The following HAPSTR1 variants were observed in gnomAD, a reference collection of about 807,000 sequenced individuals.
The protein encoded by HAPSTR1 is HUWE1 associated protein modifying stress responses, also known as HUWE1-associated protein modifying stress responses 1.
chr16:9,116,959 TC>T, the HAPSTR1 span: 1 of 1,605,230 alleles, frequency 6.2e-7, no homozygotes, highest in East Asian at 2.2e-5. Context: ...AGCCACTTGA[TC>T]CTCAACATAT....
chr16:9,115,293 G>A, the HAPSTR1 span, among the ~76,000 whole-genome samples: 10 of 152,284 alleles, frequency 6.6e-5, no homozygotes, highest in East Asian at 1.7e-3. Context: ...TAGAAAGAAT[G>A]GGCCCCTGTC....
the HAPSTR1 span, chr16:9,109,535 A>T: frequency 6.6e-6 from 1 of 152,158 alleles, no homozygotes; most frequent in East Asian, 1.9e-4. Context: ...CAGGGCTTGG[A>T]GTTAACCCCA....
the HAPSTR1 span, among the ~76,000 whole-genome samples, chr16:9,101,742 ATTT>A: frequency 7.1e-6 from 1 of 140,262 alleles, no homozygotes; most frequent in African/African-American, 2.6e-5. Flanking sequence ...TGTCTGGATG[ATTT>A]TTTTTTTTTT....
the HAPSTR1 span, chr16:9,091,785 G>C: frequency 2.5e-6 from 1 of 394,612 alleles, no homozygotes; most frequent in Non-Finnish European, 4.5e-6. Flanking sequence ...AGGGGCGGCA[G>C]CGGTTATCTG....
the HAPSTR1 span, among the ~76,000 whole-genome samples, chr16:9,094,716 T>A: frequency 1.6e-4 from 25 of 152,352 alleles, no homozygotes; most frequent in African/African-American, 4.3e-4. Context: ...AGTATTACTC[T>A]ATGGTGTGGC....
chr16:9,103,007 A>C, the HAPSTR1 span: 2 of 1,613,936 alleles, frequency 1.2e-6, no homozygotes, highest in Non-Finnish European at 1.7e-6. Flanking sequence ...CCATCAACGA[A>C]GTTTTGATAT....
the HAPSTR1 span, chr16:9,093,117 C>A: frequency 9.7e-7 from 1 of 1,028,062 alleles, no homozygotes. Context: ...CCTTGAATAC[C>A]TTGCAACTTG....
the HAPSTR1 span, chr16:9,106,868 T>C: frequency 1.3e-5 from 2 of 152,196 alleles, no homozygotes; most frequent in Non-Finnish European, 2.9e-5. Flanking sequence ...AACTCGTTTT[T>C]ATGTAAACAG....
chr16:9,109,123 A>G, the HAPSTR1 span: 1 of 152,196 alleles, frequency 6.6e-6, no homozygotes. Context: ...TGACTGCTTA[A>G]ATATTACTCT....
the HAPSTR1 span, chr16:9,112,693 AAAT>A: frequency 6.6e-6 from 1 of 152,232 alleles, no homozygotes. Flanking sequence ...CTTGGTATGA[AAAT>A]AATAGTTAAT....
chr16:9,118,480 T>C, the HAPSTR1 span: 1 of 152,650 alleles, frequency 6.6e-6, no homozygotes, highest in African/African-American at 2.4e-5. Context: ...GTTAGAAATG[T>C]TGTGTGAATT....
chr16:9,108,289 G>A, the HAPSTR1 span: 1 of 152,098 alleles, frequency 6.6e-6, no homozygotes, highest in Non-Finnish European at 1.5e-5. Flanking sequence ...CTCCAGTCCT[G>A]TCTCCAAAAT....
chr16:9,103,335 T>G, the HAPSTR1 span: 3 of 1,472,344 alleles, frequency 2.0e-6, no homozygotes, highest in Non-Finnish European at 2.8e-6. Flanking sequence ...ACGGTTAGGT[T>G]TAGGTCCAGA....
chr16:9,121,529 T>TA, the HAPSTR1 span: 1 of 152,356 alleles, frequency 6.6e-6, no homozygotes, highest in East Asian at 1.9e-4. Context: ...GTTTGAATGC[T>TA]GACTCTACTA....
the HAPSTR1 span, chr16:9,092,392 C>T: frequency 9.9e-6 from 9 of 908,992 alleles, no homozygotes; most frequent in Non-Finnish European, 1.3e-5. Context: ...GGATCCCGGC[C>T]GGTGGCTCCG....
the HAPSTR1 span, chr16:9,107,130 G>T: frequency 6.6e-6 from 1 of 152,112 alleles, no homozygotes; most frequent in Non-Finnish European, 1.5e-5. Context: ...ACTGTCCTCC[G>T]GTGTACATCT....
chr16:9,104,495 A>G, the HAPSTR1 span: 1 of 152,244 alleles, frequency 6.6e-6, no homozygotes, highest in Non-Finnish European at 1.5e-5. Flanking sequence ...AGTGGCATAT[A>G]AAGAAACTTT....
the HAPSTR1 span, among the ~76,000 whole-genome samples, chr16:9,100,505 T>C: frequency 2.8e-4 from 43 of 152,226 alleles, no homozygotes; most frequent in African/African-American, 1.0e-3. Flanking sequence ...TTTTGCTGTC[T>C]GGTTTGCCAG....
At chr16:9,096,148 C>T in the HAPSTR1 span, among the ~76,000 whole-genome samples, 2 of 152,098 alleles carry the variant, frequency 1.3e-5, no homozygotes, top group Admixed American at 1.3e-4. Context: ...CACCATTGTG[C>T]TCCTTGACTT....
Sources: gnomAD v4.1 joint callset for allele counts (sites outside exome capture counted in the v4.1 genomes callset) on GRCh38, gnomAD v4.1.1 for gene constraint, MANE v1.5 for transcripts, NCBI Gene and HGNC (gene_info 2026-07-23, HGNC 2026-07-21) for gene names.